Variants in GPAT3 observed in about 807,000 individuals in gnomAD.
GPAT3 encodes glycerol-3-phosphate acyltransferase 3.
GPAT3 carries 53 observed loss-of-function variants against 58.8 expected under a neutral mutation model. The ratio of observed to expected loss-of-function variants is 0.90; its 90% CI spans 0.72 to 1.13. The LOEUF is 1.13. Among genes scored for constraint, GPAT3 ranks in the 50% most tolerant of loss-of-function variants. The probability of loss-of-function intolerance (pLI) is 0.00; values close to 1 mark genes in which losing one functional copy is unlikely to be tolerated. For synonymous variants in GPAT3, 197 were observed against 187.4 expected, an observed-to-expected ratio of 1.05 and a Z score of -0.42; for missense variants, 511 against 527.6, an observed-to-expected ratio of 0.97 and a Z score of 0.31.
intron 6 of GPAT3, among the ~76,000 whole-genome samples, chr4:83,593,442 A>C (rs543796481): frequency 6.6e-6 from 1 of 151,852 alleles, no homozygotes; most frequent in African/African-American, 2.4e-5. Context: ...CTGGGAATAC[A>C]GGTGTGAACC....
At chr4:83,593,860 C>T (rs995823446) in intron 6 of GPAT3, among the ~76,000 whole-genome samples, 13 of 152,104 alleles carry the variant, frequency 8.5e-5, no homozygotes, top group Admixed American at 3.3e-4. Context: ...GTCTGTCATT[C>T]GCTCCTTACT....
At chr4:83,537,589 A>ATG (rs1491311222) in intron 1 of GPAT3, among the ~76,000 whole-genome samples, 123 of 125,486 alleles carry the variant, frequency 9.8e-4, no homozygotes, top group African/African-American at 3.5e-3. Context: ...TATATGTATA[A>ATG]TATGTGTGTG....
rs1726951248 is a variant in GPAT3 at position 83,598,795 on chromosome 4, G to A, written c.1205+72G>A. Reference sequence around the variant, plus strand: ...TTTTTTTTTTTTTTTTTTAGAGAATGCCTCACTCTTTTACCCAGGCTGGAG... The same window carrying A: ...TTTTTTTTTTTTTTTTTTAGAGAATACCTCACTCTTTTACCCAGGCTGGAG... On this transcript the variant is annotated intron_variant, in intron 11 of 11. Coordinates refer to ENST00000264409, the MANE Select transcript of GPAT3 (RefSeq NM_032717.5). 1.6e-5 allele frequency: 13 copies of A among 835,850 alleles called. No individual in the cohort carries two copies. The South Asian group carries it at 2.2e-4, about 14-fold the overall frequency. The allele number at this position is 835,850 out of a possible 1,614,324, so 51.8% of individuals were successfully genotyped here. A position where few individuals can be genotyped will look rare whatever the true frequency, so the allele number is the denominator to read the frequency against.
At chr4:83,579,367 A>T (rs1726022272) in intron 2 of GPAT3, among the ~76,000 whole-genome samples, 1 of 142,004 alleles carries the variant, frequency 7.0e-6, no homozygotes, top group Admixed American at 7.8e-5. Flanking sequence ...ATCATGGCTC[A>T]CTGCAGCCTC....
At chr4:83,595,584 G>A (rs1474358916) in intron 7 of GPAT3, among the ~76,000 whole-genome samples, 1 of 152,100 alleles carries the variant, frequency 6.6e-6, no homozygotes, top group African/African-American at 2.4e-5. Flanking sequence ...TTAGCCAAAT[G>A]TGGTGGCATA....
rs1047188447 is a variant in GPAT3 at position 83,536,612 on chromosome 4, T to A, written c.-11T>A. On this transcript the variant is annotated 5_prime_UTR_variant, in exon 1 of 12. Coordinates refer to ENST00000264409, the MANE Select transcript of GPAT3 (RefSeq NM_032717.5). ...CCACTGCGGACCTCTCCTGAGTGGG[T>A]GCGCCGAGTCATGGAGGGCGCAGAG... 6 of 1,610,844 alleles carry A rather than the reference T, an allele frequency of 3.7e-6. No homozygotes were observed. Among genetic ancestry groups the A allele is most frequent in the Non-Finnish European group, 5.1e-6 (6 of 1,179,244 alleles).
At position 83,597,422 on chromosome 4, in the gene GPAT3, C is replaced by G; in HGVS notation, c.911-8C>G. 1 of 1,516,666 alleles carries G rather than the reference C, an allele frequency of 6.6e-7. No homozygotes were observed. Among genetic ancestry groups the G allele is most frequent in the East Asian group, 2.4e-5 (1 of 42,006 alleles). The allele number at this position is 1,516,666 out of a possible 1,614,324, so 94.0% of individuals were successfully genotyped here. A position where few individuals can be genotyped will look rare whatever the true frequency, so the allele number is the denominator to read the frequency against. ...AATATTCACGCTCCTACCCTCACCC[C>G]CTTGCAGGAACTTGCATCAACAATA... is the stretch of plus-strand genomic sequence containing the variant. On this transcript the variant is annotated splice_polypyrimidine_tract_variant and splice_region_variant and intron_variant, in intron 8 of 11. Transcript: ENST00000264409.
At position 83,581,735 on chromosome 4, in the gene GPAT3, A is replaced by G; in HGVS notation, c.382A>G (p.Thr128Ala). 6.2e-7 allele frequency: 1 copy of G among 1,614,188 alleles called. No individual in the cohort carries two copies. Reference sequence around the variant, plus strand: ...GGAGCTAGTGTCATGGAATCTCCTCACAAGAACCAATGTAAATTTCCAGTA... The same window carrying G: ...GGAGCTAGTGTCATGGAATCTCCTCGCAAGAACCAATGTAAATTTCCAGTA... ...SEELVSWNLL[T>A]RTNVNFQYIS... The change falls in exon 3 of 12, where the codon ACA becomes GCA. Residue 128 changes from threonine (T) to alanine (A), a missense_variant. Thr to Ala is a moderately conservative substitution (Grantham distance 58). Transcript: ENST00000264409.
intron 2 of GPAT3, among the ~76,000 whole-genome samples, chr4:83,574,222 A>G (rs1008965919): frequency 2.0e-5 from 3 of 152,160 alleles, no homozygotes; most frequent in South Asian, 2.1e-4. Flanking sequence ...AAGCTACTGT[A>G]TCTTCTTTGG....
At chr4:83,577,945 G>A (rs552009950) in intron 2 of GPAT3, among the ~76,000 whole-genome samples, 47 of 152,014 alleles carry the variant, frequency 3.1e-4, no homozygotes, top group African/African-American at 1.0e-3. Context: ...GATTACAGGC[G>A]TGTGCCGCCA....
At chr4:83,582,373 G>T (rs919855097) in intron 3 of GPAT3, among the ~76,000 whole-genome samples, 13 of 152,324 alleles carry the variant, frequency 8.5e-5, no homozygotes, top group Admixed American at 4.6e-4. Context: ...GTCCCCACCT[G>T]GGTCCCCTTC....
At chr4:83,601,864 A>G (rs1727067353) in intron 11 of GPAT3, among the ~76,000 whole-genome samples, 1 of 152,206 alleles carries the variant, frequency 6.6e-6, no homozygotes, top group South Asian at 2.1e-4. Context: ...GCATCTCTGA[A>G]AGGCGGCCTT....
intron 11 of GPAT3, among the ~76,000 whole-genome samples, chr4:83,601,615 C>A (rs752920201): frequency 6.6e-6 from 1 of 152,106 alleles, no homozygotes; most frequent in Non-Finnish European, 1.5e-5. Context: ...ATTAGCTGGG[C>A]GCCATGGCGC....
At chr4:83,588,072 G>T in intron 4 of GPAT3, 138 bp from the exon 5 acceptor site, 1 of 657,388 alleles carries the variant, frequency 1.5e-6, no homozygotes, top group Non-Finnish European at 2.6e-6. Flanking sequence ...TTGACTATAA[G>T]ACTATAAGAA....
intron 2 of GPAT3, among the ~76,000 whole-genome samples, chr4:83,569,308 T>G (rs1411332624): frequency 1.3e-5 from 2 of 152,176 alleles, no homozygotes; most frequent in African/African-American, 2.4e-5. Context: ...GGCTTCATGG[T>G]CAATCTGTCT....
chr4:83,604,232 C>A (rs1727174102), intron 11 of GPAT3, among the ~76,000 whole-genome samples: 1 of 152,068 alleles, frequency 6.6e-6, no homozygotes, highest in African/African-American at 2.4e-5. Flanking sequence ...CCACCATGCC[C>A]AGCTAATTTT....
intron 2 of GPAT3, among the ~76,000 whole-genome samples, chr4:83,579,534 C>T (rs1023900435): frequency 7.9e-5 from 12 of 151,842 alleles, no homozygotes; most frequent in East Asian, 5.8e-4. Flanking sequence ...TCAAGTGATC[C>T]GCTCACCTTG....
At chr4:83,538,978 G>A (rs1362674586) in intron 1 of GPAT3, among the ~76,000 whole-genome samples, 7 of 152,096 alleles carry the variant, frequency 4.6e-5, no homozygotes, top group African/African-American at 1.4e-4. Context: ...TGTTGGTTGC[G>A]GCTGCCTGGA....
At chr4:83,583,459 C>G (rs1726241961) in intron 3 of GPAT3, among the ~76,000 whole-genome samples, 1 of 150,806 alleles carries the variant, frequency 6.6e-6, no homozygotes, top group African/African-American at 2.4e-5. Context: ...CACTTGAGGC[C>G]AGGAGTTCGA....
Sources: gnomAD v4.1 joint callset for allele counts (sites outside exome capture counted in the v4.1 genomes callset) on GRCh38, gnomAD v4.1.1 for gene constraint, MANE v1.5 for transcripts, NCBI Gene and HGNC (gene_info 2026-07-23, HGNC 2026-07-21) for gene names.